The following PLD5 variants were observed in gnomAD, a reference collection of about 807,000 sequenced individuals.
PLD5 encodes phospholipase D family member 5.
PLD5 carries 36 observed loss-of-function variants against 61.1 expected under a neutral mutation model. The observed-to-expected ratio is 0.59, with a 90% CI of 0.45 to 0.78. PLD5 has a LOEUF of 0.78. Ranked by LOEUF, PLD5 falls within the 30% of genes least tolerant of loss-of-function variation. The pLI is 0.00. For missense variants in PLD5, 515 were observed against 644.4 expected (o/e 0.80, Z 2.17); for synonymous variants, 243 against 242.8 (o/e 1.00, Z -0.01).
intron 5 of PLD5, among the ~76,000 whole-genome samples, chr1:242,130,790 G>A (rs61251105): frequency 0.066 from 10,026 of 152,146 alleles, 1,078 homozygotes; most frequent in African/African-American, 0.23. Flanking sequence ...TCAAAATTAA[G>A]TTAAATGATT....
intron 5 of PLD5, among the ~76,000 whole-genome samples, chr1:242,211,857 T>C (rs1044924670): frequency 6.6e-6 from 1 of 152,128 alleles, no homozygotes; most frequent in Non-Finnish European, 1.5e-5. Flanking sequence ...AAACAGTATA[T>C]AGAAGTATTG....
At chr1:242,110,273 G>A (rs1661383364) in intron 7 of PLD5, among the ~76,000 whole-genome samples, 2 of 151,832 alleles carry the variant, frequency 1.3e-5, no homozygotes, top group South Asian at 4.2e-4. Context: ...GAGGAAGAGT[G>A]ATTTAAGGCT....
At chr1:242,357,982 GTTCA>G (rs146263738) in intron 1 of PLD5, among the ~76,000 whole-genome samples, 3,223 of 152,012 alleles carry the variant, frequency 0.021, 50 homozygotes, top group East Asian at 0.033. Context: ...CTGTCTTCGA[GTTCA>G]TTCATTCTTT....
At position 242,151,970 on chromosome 1, in the gene PLD5, T is replaced by C. The variant is rs148758989; in HGVS notation, c.736-27305A>G. On this transcript the variant is annotated intron_variant, in intron 5 of 9. Transcript: ENST00000536534. ...CAACTTGAAAATCTATAGTATAAAA[T>C]CCACACCTAGAATATTGACATTCAC... is the stretch of plus-strand genomic sequence containing the variant. Among the ~76,000 whole-genome samples the C allele has an allele frequency of 2.6e-4, 40 of 152,136 alleles. No homozygotes were observed. The East Asian group carries it at 5.2e-3, about 20-fold the overall frequency.
intron 1 of PLD5, among the ~76,000 whole-genome samples, chr1:242,437,684 CT>C (rs998952596): frequency 6.4e-5 from 6 of 93,430 alleles, no homozygotes; most frequent in African/African-American, 3.2e-4. Context: ...AAGTTTACGT[CT>C]CAAAAAAAAA....
At chr1:242,274,025 T>G (rs1674265675) in intron 3 of PLD5, among the ~76,000 whole-genome samples, 1 of 152,170 alleles carries the variant, frequency 6.6e-6, no homozygotes, top group Non-Finnish European at 1.5e-5. Context: ...GAAAATAAAT[T>G]TCTGTTTCTT....
chr1:242,425,913 G>A (rs1054075484), intron 1 of PLD5, among the ~76,000 whole-genome samples: 5 of 151,804 alleles, frequency 3.3e-5, no homozygotes, highest in African/African-American at 1.2e-4. Context: ...AAAGTGCTGG[G>A]ATTACAGGCA....
At chr1:242,374,976 AG>A (rs1661862671) in intron 1 of PLD5, among the ~76,000 whole-genome samples, 1 of 152,150 alleles carries the variant, frequency 6.6e-6, no homozygotes, top group Admixed American at 6.5e-5. Context: ...TGGCCCCTAC[AG>A]TTTTACACAC....
chr1:242,292,632 C>T (rs1675433935), intron 2 of PLD5, among the ~76,000 whole-genome samples: 1 of 152,108 alleles, frequency 6.6e-6, no homozygotes, highest in Admixed American at 6.5e-5. Context: ...TTTATTTTCC[C>T]TAGTCACTAA....
At position 242,167,076 on chromosome 1, in the gene PLD5, TAGTAATAATAATAATAATA is replaced by T. The variant is rs1469391395; in HGVS notation, c.736-42430_736-42412del. Among the ~76,000 whole-genome samples the T allele has an allele frequency of 5.2e-5, 4 of 77,382 alleles. No individual in the cohort carries two copies. The East Asian group carries it at 1.1e-3, about 22-fold the overall frequency. The allele number at this position is 77,382 out of a possible 152,430, so 50.8% of individuals were successfully genotyped here. ...TTTTGAGAGTGAGAGACAATAATAA[TAGTAATAATAATAATAATA>T]ATAATAATAATAATAATAATAAATA... On this transcript the variant is annotated intron_variant, in intron 5 of 9. Coordinates refer to ENST00000536534, the MANE Select transcript of PLD5 (RefSeq NM_001372062.1).
intron 5 of PLD5, among the ~76,000 whole-genome samples, chr1:242,166,533 C>T (rs545542130): frequency 6.6e-6 from 1 of 152,018 alleles, no homozygotes; most frequent in South Asian, 2.1e-4. Context: ...TTCTCTTTGG[C>T]ACAGATGCAT....
In PLD5 at chr1:242,231,555, A is replaced by G. The variant is rs6662942; in HGVS notation, c.608-11440T>C. Among the ~76,000 whole-genome samples, 1,033 of 152,342 alleles carry G rather than the reference A, an allele frequency of 6.8e-3. 14 individuals carry two copies. Among genetic ancestry groups the G allele is most frequent in the African/African-American group, 0.024 (992 of 41,574 alleles). Reference sequence around the variant, plus strand: ...CATATTGTTACATGACACCTCATCTAATACATCAACAGCTTAGAGGAGGCT... The same window carrying G: ...CATATTGTTACATGACACCTCATCTGATACATCAACAGCTTAGAGGAGGCT... On this transcript the variant is annotated intron_variant, in intron 4 of 9. Coordinates refer to ENST00000536534, the MANE Select transcript of PLD5 (RefSeq NM_001372062.1).
At chr1:242,500,301 C>T (rs1668512693) in intron 1 of PLD5, among the ~76,000 whole-genome samples, 1 of 152,168 alleles carries the variant, frequency 6.6e-6, no homozygotes. Flanking sequence ...TATTTGGTTA[C>T]ACATTTGGTT....
chr1:242,215,094 T>TC lies in PLD5; in HGVS notation c.735+4893_735+4894insG. 2.0e-5 allele frequency among the ~76,000 whole-genome samples: 3 copies of TC among 149,788 alleles called. No homozygotes were observed. The Admixed American group carries it at 2.1e-4, about 10-fold the overall frequency. ...TAGTAGAGACGGGGTTTCACCGTGTTAACCAGAATGGTCTTGATCTCCTGA... is the reference window on the plus strand; with the variant it reads ...TAGTAGAGACGGGGTTTCACCGTGTTCAACCAGAATGGTCTTGATCTCCTGA... On this transcript the variant is annotated intron_variant, in intron 5 of 9. Coordinates refer to ENST00000536534, the MANE Select transcript of PLD5 (RefSeq NM_001372062.1).
intron 5 of PLD5, among the ~76,000 whole-genome samples, chr1:242,125,823 A>T (rs1422337880): frequency 1.3e-5 from 2 of 152,154 alleles, no homozygotes; most frequent in Non-Finnish European, 2.9e-5. Flanking sequence ...ACTCCCCAGT[A>T]CAACATGGCC....
intron 6 of PLD5, 119 bp downstream of exon 6, chr1:242,124,349 G>T: frequency 1.1e-6 from 1 of 903,994 alleles, no homozygotes; most frequent in Non-Finnish European, 1.7e-6. Flanking sequence ...TTCACGTCAT[G>T]GGATAGAACC....
intron 1 of PLD5, among the ~76,000 whole-genome samples, chr1:242,363,322 C>A (rs1283075469): frequency 6.6e-6 from 1 of 151,196 alleles, no homozygotes; most frequent in East Asian, 1.9e-4. Context: ...GCCCTAGACT[C>A]ATGGCTGCTT....
intron 1 of PLD5, among the ~76,000 whole-genome samples, chr1:242,410,152 A>G (rs1342314912): frequency 1.3e-5 from 2 of 152,134 alleles, no homozygotes; most frequent in Non-Finnish European, 2.9e-5. Flanking sequence ...TCTTGCTGAA[A>G]AGGGGTATCA....
Position 242,370,877 on chromosome 1 carries a change from G to C in PLD5, c.190-22635C>G, listed in dbSNP as rs561744612. On this transcript the variant is annotated intron_variant, in intron 1 of 9. Transcript: ENST00000536534. ...GTATTCTGCACTCTGTTTTTAACAA[G>C]TTGAAAAGGCTTTGACTCTTGCAAT... 9.2e-5 allele frequency among the ~76,000 whole-genome samples: 14 copies of C among 152,284 alleles called. No homozygotes were observed. In the East Asian group the frequency reaches 2.3e-3, roughly 25 times the overall value.
Sources: gnomAD v4.1 joint callset for allele counts (sites outside exome capture counted in the v4.1 genomes callset) on GRCh38, gnomAD v4.1.1 for gene constraint, MANE v1.5 for transcripts, NCBI Gene and HGNC (gene_info 2026-07-23, HGNC 2026-07-21) for gene names.